Variants in TTC28 observed in about 807,000 individuals in gnomAD.
TTC28 encodes the protein tetratricopeptide repeat protein 28.
TTC28 carries 61 observed loss-of-function variants against 198.0 expected under a neutral mutation model. The observed-to-expected ratio is 0.31, with a 90% CI of 0.25 to 0.38. The LOEUF (loss-of-function observed/expected upper bound fraction) is 0.38, where lower values mean the gene tolerates loss of function less well. Ranked by LOEUF, TTC28 falls within the 10% of genes least tolerant of loss-of-function variation. The pLI is 1.00. For missense variants in TTC28, 2,678 were observed against 3,164.0 expected, an observed-to-expected ratio of 0.85 and a Z score of 3.69; for synonymous variants, 1,171 against 1,297.8, an observed-to-expected ratio of 0.90 and a Z score of 2.10.
chr22:28,334,517 T>C (rs2039357726), intron 2 of TTC28, among the ~76,000 whole-genome samples: 1 of 152,146 alleles, frequency 6.6e-6, no homozygotes, highest in African/African-American at 2.4e-5. Context: ...GCACCTGTTG[T>C]TTCCTGACTT....
chr22:28,354,554 A>G (rs1030866573), intron 2 of TTC28, among the ~76,000 whole-genome samples: 2 of 152,166 alleles, frequency 1.3e-5, no homozygotes, highest in East Asian at 1.9e-4. Flanking sequence ...TTTAATGACT[A>G]GAGAGTTTCT....
intron 1 of TTC28, among the ~76,000 whole-genome samples, chr22:28,662,585 G>A (rs2051765753): frequency 1.3e-5 from 2 of 152,196 alleles, no homozygotes; most frequent in African/African-American, 2.4e-5. Flanking sequence ...CAATATAAAT[G>A]CTAGTCTAGC....
intron 12 of TTC28, among the ~76,000 whole-genome samples, chr22:28,053,602 T>C (rs1460427471): frequency 6.6e-6 from 1 of 152,254 alleles, no homozygotes; most frequent in Non-Finnish European, 1.5e-5. Flanking sequence ...AGAAATGCTG[T>C]TGTCCATTAA....
At chr22:28,423,430 C>A (rs2047294842) in intron 2 of TTC28, among the ~76,000 whole-genome samples, 2 of 151,996 alleles carry the variant, frequency 1.3e-5, no homozygotes, top group South Asian at 4.2e-4. Context: ...ACAACAACAA[C>A]AAAAACAAAT....
At chr22:28,425,102 G>C (rs555567525) in intron 2 of TTC28, among the ~76,000 whole-genome samples, 2 of 152,234 alleles carry the variant, frequency 1.3e-5, no homozygotes, top group East Asian at 3.9e-4. Context: ...CAGTTCTTTA[G>C]TTATTTGGTT....
intron 12 of TTC28, chr22:28,056,245 C>T (rs1940283501): frequency 6.6e-6 from 1 of 152,130 alleles, no homozygotes; most frequent in Non-Finnish European, 1.5e-5. Context: ...CACCAGAGTT[C>T]TCACCAGCTC....
intron 2 of TTC28, among the ~76,000 whole-genome samples, chr22:28,593,247 GA>G (rs2050467414): frequency 6.6e-6 from 1 of 152,264 alleles, no homozygotes; most frequent in East Asian, 1.9e-4. Context: ...TGAGAAAACT[GA>G]AAGTCTTCAG....
chr22:28,194,418 G>A (rs941799757), intron 5 of TTC28, among the ~76,000 whole-genome samples: 2 of 152,112 alleles, frequency 1.3e-5, no homozygotes, highest in Non-Finnish European at 2.9e-5. Context: ...CAGAAGGCAA[G>A]AAATAACTAA....
Position 28,001,613 on chromosome 22 carries a change from C to A in TTC28, c.4219-60G>T. ...GCCCAGCAGGCAGGGGTTTCAGGCA[C>A]CAGGACAACCCTGAGCCCTAGCCTG... On this transcript the variant is annotated intron_variant, in intron 14 of 22. Transcript: ENST00000397906. 5.3e-6 allele frequency: 8 copies of A among 1,515,406 alleles called. No homozygotes were observed. The Admixed American group carries it at 9.9e-5, about 19-fold the overall frequency. 93.9% of individuals were successfully genotyped at this position (1,515,406 alleles called of 1,614,324 possible). A position where few individuals can be genotyped will look rare whatever the true frequency, so the allele number is the denominator to read the frequency against.
chr22:28,103,463 A>G (rs1013757941), intron 8 of TTC28, among the ~76,000 whole-genome samples: 18 of 152,168 alleles, frequency 1.2e-4, no homozygotes, highest in African/African-American at 4.3e-4. Context: ...ATCCCCTCAG[A>G]AAGCCAGGGG....
chr22:28,551,864 G>C (rs1347338617), intron 2 of TTC28, among the ~76,000 whole-genome samples: 2 of 152,098 alleles, frequency 1.3e-5, no homozygotes, highest in Non-Finnish European at 2.9e-5. Flanking sequence ...CATAGTACCG[G>C]AAGTCCTAGC....
intron 2 of TTC28, among the ~76,000 whole-genome samples, chr22:28,347,780 G>A (rs1015977294): frequency 1.3e-5 from 2 of 152,234 alleles, no homozygotes; most frequent in African/African-American, 2.4e-5. Context: ...GGCTGAGGCA[G>A]AATAATTGCT....
At chr22:28,261,620 A>G (rs1931326946) in intron 5 of TTC28, among the ~76,000 whole-genome samples, 1 of 152,206 alleles carries the variant, frequency 6.6e-6, no homozygotes. Flanking sequence ...AAGAATTCAA[A>G]TAAATTTGAA....
At chr22:28,491,554 A>T (rs1222987331) in intron 2 of TTC28, among the ~76,000 whole-genome samples, 1 of 152,230 alleles carries the variant, frequency 6.6e-6, no homozygotes, top group East Asian at 1.9e-4. Flanking sequence ...TCAAAACCAC[A>T]ATGAGATACC....
At chr22:28,586,813 T>A (rs1569042129) in intron 2 of TTC28, among the ~76,000 whole-genome samples, 1 of 152,228 alleles carries the variant, frequency 6.6e-6, no homozygotes, top group Non-Finnish European at 1.5e-5. Context: ...TTATATGAGA[T>A]CAAAATTCTT....
At chr22:28,148,725 C>T (rs1480537949) in intron 6 of TTC28, among the ~76,000 whole-genome samples, 1 of 151,702 alleles carries the variant, frequency 6.6e-6, no homozygotes, top group East Asian at 1.9e-4. Flanking sequence ...GTATTGTTTA[C>T]ACCAATGAGA....
At chr22:28,327,185 T>A (rs1006465467) in intron 2 of TTC28, among the ~76,000 whole-genome samples, 1 of 152,172 alleles carries the variant, frequency 6.6e-6, no homozygotes, top group Middle Eastern at 3.2e-3. Context: ...TGACTAGACA[T>A]AAATAATGAA....
intron 2 of TTC28, among the ~76,000 whole-genome samples, chr22:28,533,852 G>C (rs2049201640): frequency 6.6e-6 from 1 of 152,190 alleles, no homozygotes; most frequent in Admixed American, 6.5e-5. Context: ...AAACGGACTA[G>C]CCATATGTAG....
intron 2 of TTC28, among the ~76,000 whole-genome samples, chr22:28,518,553 G>A (rs955485385): frequency 1.3e-5 from 2 of 152,068 alleles, no homozygotes; most frequent in East Asian, 1.9e-4. Context: ...AGGTTACAAC[G>A]AACTATGATT....
Sources: gnomAD v4.1 joint callset for allele counts (sites outside exome capture counted in the v4.1 genomes callset) on GRCh38, gnomAD v4.1.1 for gene constraint, MANE v1.5 for transcripts, NCBI Gene and HGNC (gene_info 2026-07-23, HGNC 2026-07-21) for gene names.